Variants in EDDM13 observed in about 807,000 individuals in gnomAD.
The protein encoded by EDDM13 is epididymal protein 13.
In EDDM13, 24 loss-of-function variants were observed where a neutral mutation model predicts 17.8. That is an observed-to-expected ratio of 1.35 (90% CI 0.98 to 1.90). The LOEUF is 1.90. EDDM13 is among the 40% of genes most tolerant of loss of function. The pLI is 0.00. For synonymous variants in EDDM13, 31 were observed against 37.5 expected (o/e 0.83, Z 0.63); for missense variants, 97 against 100.8 (o/e 0.96, Z 0.16).
At chr19:56,280,884 G>C (rs911608754) in intron 2 of EDDM13, among the ~76,000 whole-genome samples, 1 of 152,112 alleles carries the variant, frequency 6.6e-6, no homozygotes, top group Admixed American at 6.6e-5. Context: ...ATGCTGTTTG[G>C]GGTACACACT....
rs1035542869 is a variant in EDDM13, at chr19:56,297,515, T to G, written c.279T>G (p.Ser93Arg). ...LSLQVLHEETSGCKEEVKPFS... is the reference protein window; with the variant it reads ...LSLQVLHEETRGCKEEVKPFS... ...TCTCTTCATTTTTAGAAGAAACAAGTGGCTGCAAGGAGGAAGGTAAGTGCT... is the reference window on the plus strand; with the variant it reads ...TCTCTTCATTTTTAGAAGAAACAAGGGGCTGCAAGGAGGAAGGTAAGTGCT... The change falls in exon 12 of 15, where the codon AGT becomes AGG. Residue 93 changes from serine to arginine, a missense_variant. Physicochemically the swap from Ser to Arg is moderately radical, Grantham distance 110. Coordinates refer to ENST00000649256, the MANE Select transcript of EDDM13 (RefSeq NM_001354658.2). 4 of 985,052 alleles carry G rather than the reference T, an allele frequency of 4.1e-6. No individual in the cohort carries two copies. Among genetic ancestry groups the G allele is most frequent in the Non-Finnish European group, 4.8e-6 (4 of 829,840 alleles). The allele number at this position is 985,052 out of a possible 1,614,324, so 61.0% of individuals were successfully genotyped here.
chr19:56,289,469 G>T (rs771833745), intron 8 of EDDM13, among the ~76,000 whole-genome samples: 1 of 152,188 alleles, frequency 6.6e-6, no homozygotes, highest in African/African-American at 2.4e-5. Flanking sequence ...TCTAGTTCGG[G>T]TAAGACGGAG....
At chr19:56,275,718 A>G (rs1204829627) in intron 1 of EDDM13, among the ~76,000 whole-genome samples, 1 of 152,208 alleles carries the variant, frequency 6.6e-6, no homozygotes, top group Non-Finnish European at 1.5e-5. Context: ...GTTCTGTGAG[A>G]ACAGAGTTTG....
chr19:56,308,862 C>T (rs961482560), intron 14 of EDDM13, among the ~76,000 whole-genome samples: 6 of 152,272 alleles, frequency 3.9e-5, no homozygotes, highest in Admixed American at 2.6e-4. Flanking sequence ...TTCAACCATA[C>T]ATTAAAGCAC....
intron 6 of EDDM13, among the ~76,000 whole-genome samples, chr19:56,287,950 G>A (rs565457341): frequency 7.9e-5 from 12 of 152,264 alleles, no homozygotes; most frequent in East Asian, 1.9e-4. Flanking sequence ...TGAAACTCTC[G>A]CATCCTGGGA....
chr19:56,301,883 C>A, intron 12 of EDDM13, 85 bp from the exon 13 acceptor site: 1 of 1,229,200 alleles, frequency 8.1e-7, no homozygotes, highest in Non-Finnish European at 1.0e-6. Context: ...GTTTGGAGAT[C>A]AGAATGGAGA....
intron 6 of EDDM13, among the ~76,000 whole-genome samples, chr19:56,287,820 A>T (rs573128789): frequency 2.0e-5 from 3 of 152,316 alleles, no homozygotes; most frequent in Admixed American, 6.5e-5. Flanking sequence ...AAATCAGCCA[A>T]TGAATTTCCA....
At chr19:56,281,120 G>A (rs112730633) in intron 2 of EDDM13, among the ~76,000 whole-genome samples, 1,995 of 152,264 alleles carry the variant, frequency 0.013, 45 homozygotes, top group African/African-American at 0.045. Flanking sequence ...GGAAGCTAGA[G>A]AAAAGAAAAT....
At chr19:56,284,081 C>T (rs963714521) in intron 4 of EDDM13, 117 bp from the exon 5 acceptor site, 72 of 719,060 alleles carry the variant, frequency 1.0e-4, no homozygotes, top group Non-Finnish European at 1.1e-4. Flanking sequence ...CAGCATCTGA[C>T]CTCGTTTTTG....
At chr19:56,297,177 AAG>A (rs2039930454) in intron 11 of EDDM13, among the ~76,000 whole-genome samples, 1 of 152,204 alleles carries the variant, frequency 6.6e-6, no homozygotes, top group East Asian at 1.9e-4. Flanking sequence ...GCATTCCAGG[AAG>A]AGAGAACAGT....
chr19:56,300,735 T>C (rs142346436), intron 12 of EDDM13, among the ~76,000 whole-genome samples: 5 of 152,336 alleles, frequency 3.3e-5, no homozygotes. Flanking sequence ...TCGATTTGCA[T>C]TTGCCTGTAC....
intron 10 of EDDM13, 165 bp from the exon 11 acceptor site, chr19:56,296,171 G>C (rs1253847955): frequency 2.0e-5 from 3 of 152,722 alleles, no homozygotes; most frequent in Admixed American, 6.5e-5. Context: ...TGTGGCACAG[G>C]GGGGAGGTGG....
At chr19:56,302,409 TCCC>T (rs1162399326) in intron 13 of EDDM13, among the ~76,000 whole-genome samples, 227 of 132,206 alleles carry the variant, frequency 1.7e-3, no homozygotes, top group African/African-American at 6.4e-3. Context: ...TCTTTCCTCC[TCCC>T]TTCATCCCTC....
chr19:56,297,479 T>C, intron 11 of EDDM13, 26 bp from the exon 12 acceptor site: 1 of 978,500 alleles, frequency 1.0e-6, no homozygotes, highest in South Asian at 4.7e-5. Context: ...CCTGCTTCTT[T>C]TTCTCCTCCA....
chr19:56,276,685 G>A (rs143510582), intron 2 of EDDM13, among the ~76,000 whole-genome samples: 1,766 of 151,768 alleles, frequency 0.012, 11 homozygotes, highest in South Asian at 0.032. Flanking sequence ...TACAGGCTGC[G>A]CGCCACCATG....
intron 9 of EDDM13, among the ~76,000 whole-genome samples, chr19:56,293,556 T>C (rs1451940272): frequency 6.6e-6 from 1 of 152,330 alleles, no homozygotes; most frequent in East Asian, 1.9e-4. Context: ...ACTGCACCAC[T>C]TTCTAGTTCC....
At chr19:56,302,625 C>T (rs1386254836) in intron 13 of EDDM13, among the ~76,000 whole-genome samples, 3 of 129,224 alleles carry the variant, frequency 2.3e-5, no homozygotes, top group Non-Finnish European at 5.0e-5. Flanking sequence ...CTTCCTCCCT[C>T]CCTCCTCCTC....
chr19:56,277,185 A>G (rs1216510008), intron 2 of EDDM13, among the ~76,000 whole-genome samples: 1 of 152,202 alleles, frequency 6.6e-6, no homozygotes, highest in Admixed American at 6.5e-5. Context: ...CGCTCTAGGT[A>G]TGTGCCCAAG....
In EDDM13 at chr19:56,301,329, C is replaced by T. The variant is rs189337424; in HGVS notation, c.296-639C>T. ...GGAGATTTCCTGGAGCTGAGGGTGC[C>T]TCCCCTTTTTAGGCCAGTAGGGGAA... On this transcript the variant is annotated intron_variant, in intron 12 of 14. Coordinates refer to ENST00000649256, the MANE Select transcript of EDDM13 (RefSeq NM_001354658.2). Among the ~76,000 whole-genome samples the T allele has an allele frequency of 6.1e-3, 926 of 152,180 alleles. 7 individuals carry two copies. Among genetic ancestry groups the T allele is most frequent in the Non-Finnish European group, 6.3e-3 (427 of 67,990 alleles).
Sources: gnomAD v4.1 joint callset for allele counts (sites outside exome capture counted in the v4.1 genomes callset) on GRCh38, gnomAD v4.1.1 for gene constraint, MANE v1.5 for transcripts, NCBI Gene and HGNC (gene_info 2026-07-23, HGNC 2026-07-21) for gene names.